The following SLC44A2 variants were observed in gnomAD, a reference collection of about 807,000 sequenced individuals.
SLC44A2 encodes choline transporter-like protein 2.
Under a neutral mutation model 90.8 loss-of-function variants are expected in SLC44A2, and 57 were observed. The observed-to-expected ratio is 0.63, with a 90% CI of 0.51 to 0.78. SLC44A2 has a LOEUF of 0.78. SLC44A2 is among the 30% of genes least tolerant of loss of function. The probability of loss-of-function intolerance (pLI) is 0.00; values close to 1 mark genes in which losing one functional copy is unlikely to be tolerated. For synonymous variants in SLC44A2, 355 were observed against 360.7 expected (o/e 0.98, Z 0.18); for missense variants, 794 against 919.7 (o/e 0.86, Z 1.77).
At chr19:10,625,316 G>A, upstream of SLC44A2, 2 of 438,444 alleles carry the variant, frequency 4.6e-6, no homozygotes, top group Non-Finnish European at 7.0e-6. Flanking sequence ...GTGGCCAGGG[G>A]TTCTAGGCGG....
chr19:10,636,627 C>T, intron 15 of SLC44A2, 35 bp from the exon 16 acceptor site: 1 of 1,608,890 alleles, frequency 6.2e-7, no homozygotes, highest in East Asian at 2.2e-5. Context: ...AGGACGAGGC[C>T]TGGCCCAGCC....
chr19:10,605,043 G>T (rs1025120963), intron 1 of SLC44A2, among the ~76,000 whole-genome samples: 1 of 152,120 alleles, frequency 6.6e-6, no homozygotes, highest in African/African-American at 2.4e-5. Context: ...TCTGACCATG[G>T]AGAAATAAAA....
rs574679507 is a variant in SLC44A2 at position 10,627,565 on chromosome 19, T to A, written c.87-157T>A. 1.6e-4 allele frequency among the ~76,000 whole-genome samples: 25 copies of A among 151,970 alleles called. No individual in the cohort carries two copies. In the South Asian group the frequency reaches 4.4e-3, roughly 27 times the overall value. ...CACAAAATTAAAAAATGAAATGAAATAAAAATTAAAATGCATGTGCCCTTT... is the reference window on the plus strand; with the variant it reads ...CACAAAATTAAAAAATGAAATGAAAAAAAAATTAAAATGCATGTGCCCTTT... On this transcript the variant is annotated intron_variant, in intron 2 of 21. Transcript: ENST00000335757.
At chr19:10,634,697 G>A in intron 10 of SLC44A2, 59 bp from the exon 11 acceptor site, 1 of 1,609,724 alleles carries the variant, frequency 6.2e-7, no homozygotes, top group Middle Eastern at 1.7e-4. Flanking sequence ...GGCAGTTGTA[G>A]CTGCTTTGCA....
rs753129411 is a variant in SLC44A2 at position 10,638,256 on chromosome 19, C to T, written c.1870C>T (p.Arg624Cys). ...GILAFFFFTH[R>C]IRIVQDTAPP... ...CCTGGCTTTCTTCTTCTTCACCCAC[C>T]GTATCAGGATCGTGCAGGATACAGC... The change falls in exon 20 of 22, where the codon CGT becomes TGT. Residue 624 changes from arginine (R) to cysteine (C), a missense_variant. Physicochemically the swap from Arg to Cys is radical, Grantham distance 180. Around this residue, in one of 3 missense-constraint regions of SLC44A2, gnomAD observed 738 missense variants for 841.1 expected, o/e 0.88. Coordinates refer to ENST00000335757, the MANE Select transcript of SLC44A2 (RefSeq NM_020428.4). 12 of 1,613,938 alleles carry T rather than the reference C, an allele frequency of 7.4e-6. No homozygotes were observed. The highest frequency in any genetic ancestry group is 1.7e-5 in the Admixed American group (1 of 59,972).
chr19:10,626,370 C>G, intron 2 of SLC44A2, 69 bp downstream of exon 2: 2 of 1,184,254 alleles, frequency 1.7e-6, no homozygotes, highest in Non-Finnish European at 2.5e-6. Flanking sequence ...TTCACACCCC[C>G]TCCCATCTGT....
At position 10,633,223 on chromosome 19, in the gene SLC44A2, G is replaced by A. The variant is rs184150974; in HGVS notation, c.823+1067G>A. On this transcript the variant is annotated intron_variant, in intron 10 of 21. Coordinates refer to ENST00000335757, the MANE Select transcript of SLC44A2 (RefSeq NM_020428.4). ...TTTGTCACCCAGGCTGGCGTGCAGT[G>A]GTGCAGTCTCGGCTCACTGCAATCT... Among the ~76,000 whole-genome samples, 446 of 152,112 alleles carry A rather than the reference G, an allele frequency of 2.9e-3. 4 individuals are homozygous for A. The highest frequency in any genetic ancestry group is 0.01 in the African/African-American group (427 of 41,508).
In SLC44A2 at chr19:10,634,803, G is replaced by A. The variant is rs201334199; in HGVS notation, c.871G>A (p.Gly291Ser). ...GTACTCCCGACTGCGTGGTGAGGCC[G>A]GCTCTGATGTCTCTTTGGTGGACCT... ...MEYSRLRGEA[G>S]SDVSLVDLGF... Residue 291 changes from glycine to serine, a missense_variant, in exon 11 of 22, where the codon GGC becomes AGC. Gly to Ser is a moderately conservative substitution (Grantham distance 56, BLOSUM62 0). Around this residue, in one of 3 missense-constraint regions of SLC44A2, gnomAD observed 738 missense variants for 841.1 expected, o/e 0.88. Coordinates refer to ENST00000335757, the MANE Select transcript of SLC44A2 (RefSeq NM_020428.4). 2.5e-4 allele frequency: 408 copies of A among 1,614,136 alleles called. No homozygotes were observed. Among genetic ancestry groups the A allele is most frequent in the Admixed American group, 7.2e-4 (43 of 60,002 alleles).
intron 1 of SLC44A2, among the ~76,000 whole-genome samples, chr19:10,614,377 C>T (rs2066838230): frequency 6.6e-6 from 1 of 152,050 alleles, no homozygotes; most frequent in South Asian, 2.1e-4. Flanking sequence ...CACCAACCCC[C>T]TGTGAAATTA....
chr19:10,618,914 T>C (rs1183538828), intron 1 of SLC44A2, among the ~76,000 whole-genome samples: 2 of 151,834 alleles, frequency 1.3e-5, no homozygotes, highest in African/African-American at 4.8e-5. Flanking sequence ...GAATAAAGAA[T>C]TTATCCTTTC....
chr19:10,611,052 C>T (rs1918288692), intron 1 of SLC44A2, among the ~76,000 whole-genome samples: 1 of 151,664 alleles, frequency 6.6e-6, no homozygotes, highest in South Asian at 2.1e-4. Context: ...ATGATGTTCC[C>T]CAGGCTGGTT....
chr19:10,637,556 T>C, intron 16 of SLC44A2, 88 bp from the exon 17 acceptor site: 3 of 1,218,110 alleles, frequency 2.5e-6, no homozygotes, highest in South Asian at 2.4e-5. Flanking sequence ...ACCTGGACAT[T>C]GGCAAGTGTG....
chr19:10,609,340 C>T (rs1344333123), intron 1 of SLC44A2, among the ~76,000 whole-genome samples: 1 of 151,964 alleles, frequency 6.6e-6, no homozygotes, highest in African/African-American at 2.4e-5. Context: ...TGCTCTGTCG[C>T]CCAGGCTGGA....
In SLC44A2 at chr19:10,636,722, T is replaced by G; in HGVS notation, c.1557T>G (p.Arg519=). The change falls in exon 16 of 22, where the codon CGT becomes CGG. Residue 519 remains arginine (R), a synonymous_variant. Coordinates refer to ENST00000335757, the MANE Select transcript of SLC44A2 (RefSeq NM_020428.4). The part of the protein sequence containing the change: ...ALILAIVQII[R]VILEYLDQRL... The stretch of plus-strand genomic sequence containing the variant: ...TCCTGGCCATTGTGCAGATCATCCG[T>G]GTGATACTCGAGTACCTGGATCAGC... The G allele has an allele frequency of 6.2e-7, 1 of 1,613,946 alleles. No homozygotes were observed. Among genetic ancestry groups the G allele is most frequent in the East Asian group, 2.2e-5 (1 of 44,876 alleles).
intron 2 of SLC44A2, 87 bp downstream of exon 2, chr19:10,626,388 C>A: frequency 1.6e-5 from 16 of 971,770 alleles, no homozygotes; most frequent in Non-Finnish European, 2.5e-5. Flanking sequence ...TGTTCTCCAA[C>A]AAACTGGTGA....
chr19:10,611,793 A>G (rs573921842), intron 1 of SLC44A2, among the ~76,000 whole-genome samples: 5 of 152,016 alleles, frequency 3.3e-5, no homozygotes, highest in Admixed American at 2.6e-4. Context: ...CTGCACTCCA[A>G]CCTAGGTAAC....
intron 1 of SLC44A2, among the ~76,000 whole-genome samples, chr19:10,603,371 C>G (rs1918015143): frequency 6.6e-6 from 1 of 152,126 alleles, no homozygotes; most frequent in South Asian, 2.1e-4. Context: ...TTTGGGTCCC[C>G]AAGACCCAAC....
Position 10,638,100 on chromosome 19 carries a change from G to A in SLC44A2, c.1840+7G>A. The A allele has an allele frequency of 1.9e-6, 3 of 1,613,902 alleles. No individual in the cohort carries two copies. Among genetic ancestry groups the A allele is most frequent in the Non-Finnish European group, 2.5e-6 (3 of 1,179,944 alleles). On this transcript the variant is annotated splice_region_variant and intron_variant, in intron 19 of 21. Transcript: ENST00000335757. ...CTGATCGTTGGTAGTGTGGGTGAGT[G>A]CCGCCCACCTAGCCTCTCGGGGTGT...
chr19:10,641,495 C>T, intron 20 of SLC44A2: 1 of 424,796 alleles, frequency 2.4e-6, no homozygotes, highest in Non-Finnish European at 4.6e-6. Context: ...AGCAGAAGGT[C>T]GATGGGGCAT....
Sources: allele counts gnomAD v4.1 joint callset (sites outside exome capture counted in the v4.1 genomes callset), GRCh38; gene constraint gnomAD v4.1.1; regional missense constraint gnomAD v4.1.1; transcripts MANE v1.5; gene names NCBI Gene and HGNC (gene_info 2026-07-23, HGNC 2026-07-21).